Variants in WWOX observed in about 807,000 individuals in gnomAD.
The protein encoded by WWOX is WW domain containing oxidoreductase, also known as WW domain-containing oxidoreductase.
In WWOX, 69 loss-of-function variants were observed where a neutral mutation model predicts 46.2. The ratio of observed to expected loss-of-function variants is 1.49; its 90% CI spans 1.23 to 1.82. The LOEUF is 1.82. Ranked by LOEUF, WWOX falls within the 40% of genes most tolerant of loss-of-function variation. The pLI, the probability that WWOX is intolerant of heterozygous loss-of-function variation, is 0.00. For missense variants in WWOX, 919 were observed against 542.6 expected (o/e 1.69, Z -6.89); for synonymous variants, 359 against 202.6 (o/e 1.77, Z -6.56).
chr16:78,326,334 A>G (rs574577234), intron 5 of WWOX, among the ~76,000 whole-genome samples: 2 of 152,342 alleles, frequency 1.3e-5, no homozygotes, highest in East Asian at 3.9e-4. Context: ...AAGGCTGTAT[A>G]TGATATGCCA....
intron 6 of WWOX, among the ~76,000 whole-genome samples, chr16:78,413,154 T>A (rs1242762486): frequency 1.3e-5 from 2 of 152,180 alleles, no homozygotes; most frequent in Non-Finnish European, 2.9e-5. Context: ...CAGAGCCAGC[T>A]GTATGGGAAA....
At chr16:78,928,843 T>A (rs2045559205) in intron 8 of WWOX, among the ~76,000 whole-genome samples, 1 of 152,172 alleles carries the variant, frequency 6.6e-6, no homozygotes, top group Non-Finnish European at 1.5e-5. Flanking sequence ...AGCTTCTCTG[T>A]CAAGAGAATT....
chr16:78,897,459 C>G (rs80023798), intron 8 of WWOX: 4 of 152,058 alleles, frequency 2.6e-5, no homozygotes, highest in East Asian at 3.9e-4. Flanking sequence ...CTTAATGATT[C>G]ACATAATGTT....
rs552846537 is a variant in WWOX, at chr16:78,734,060, GA to G, written c.1056+301319del. Among the ~76,000 whole-genome samples the G allele has an allele frequency of 3.8e-3, 553 of 144,160 alleles. 1 individual carries two copies. The highest frequency in any genetic ancestry group is 0.014 in the South Asian group (65 of 4,568). The allele number at this position is 144,160 out of a possible 152,430, so 94.6% of individuals were successfully genotyped here. A position where few individuals can be genotyped will look rare whatever the true frequency, so the allele number is the denominator to read the frequency against. ...GGGTGATAAAGTAAGATCCTGTCTG[GA>G]AAAAAAAAAACACAAAAAACTAAAT... On this transcript the variant is annotated intron_variant, in intron 8 of 8. Coordinates refer to ENST00000566780, the MANE Select transcript of WWOX (RefSeq NM_016373.4).
At chr16:78,771,165 A>T (rs138445208) in intron 8 of WWOX, among the ~76,000 whole-genome samples, 1 of 152,258 alleles carries the variant, frequency 6.6e-6, no homozygotes, top group East Asian at 1.9e-4. Context: ...AGGGATGGAG[A>T]TCCATTTGGA....
intron 8 of WWOX, chr16:79,204,664 C>A (rs1013295091): frequency 6.6e-6 from 1 of 152,236 alleles, no homozygotes; most frequent in Non-Finnish European, 1.5e-5. Context: ...TGAGAGCGTA[C>A]CAAGGTCACC....
At chr16:78,171,635 C>G (rs1054359732) in intron 5 of WWOX, among the ~76,000 whole-genome samples, 2 of 152,088 alleles carry the variant, frequency 1.3e-5, no homozygotes, top group Admixed American at 6.6e-5. Flanking sequence ...AAGATAAAAG[C>G]TATTAATATT....
At chr16:78,602,364 C>G (rs1409372792) in intron 8 of WWOX, among the ~76,000 whole-genome samples, 1 of 152,140 alleles carries the variant, frequency 6.6e-6, no homozygotes, top group Non-Finnish European at 1.5e-5. Context: ...TCCTGAGTAG[C>G]TGGGACTAAA....
intron 8 of WWOX, chr16:78,826,014 T>A: frequency 1.8e-6 from 1 of 553,886 alleles, no homozygotes; most frequent in East Asian, 3.1e-5. Context: ...TAACGGGCTG[T>A]CCTTGGCAGT....
chr16:78,653,255 G>C (rs2047005473), intron 8 of WWOX, among the ~76,000 whole-genome samples: 1 of 151,936 alleles, frequency 6.6e-6, no homozygotes, highest in Non-Finnish European at 1.5e-5. Flanking sequence ...TGTATTTTAT[G>C]TAACCATTCC....
intron 5 of WWOX, among the ~76,000 whole-genome samples, chr16:78,210,808 A>C (rs1445169206): frequency 6.6e-6 from 1 of 152,184 alleles, no homozygotes; most frequent in African/African-American, 2.4e-5. Flanking sequence ...TAATTCTCCA[A>C]AGTAGCCTAT....
At chr16:78,796,666 A>T (rs2050745082) in intron 8 of WWOX, among the ~76,000 whole-genome samples, 1 of 152,202 alleles carries the variant, frequency 6.6e-6, no homozygotes, top group African/African-American at 2.4e-5. Flanking sequence ...TGTTAGAGAT[A>T]TATCTGTTTA....
At chr16:79,071,516 C>T (rs1366536913) in intron 8 of WWOX, among the ~76,000 whole-genome samples, 1 of 152,188 alleles carries the variant, frequency 6.6e-6, no homozygotes, top group Admixed American at 6.5e-5. Context: ...GTTTTTATTG[C>T]TTCAACTCTC....
Position 79,202,055 on chromosome 16 carries a change from CT to C in WWOX, c.1057-9544del, listed in dbSNP as rs76088445. Among the ~76,000 whole-genome samples, 6 of 151,716 alleles carry C rather than the reference CT, an allele frequency of 4.0e-5. No individual in the cohort carries two copies. The South Asian group carries it at 8.3e-4, about 21-fold the overall frequency. On this transcript the variant is annotated intron_variant, in intron 8 of 8. Coordinates refer to ENST00000566780, the MANE Select transcript of WWOX (RefSeq NM_016373.4). ...CTGCCGGCTAAATCTGGCCCAGTGC[CT>C]TTTTTTTTATAAATAAAGTTTTATT...
intron 8 of WWOX, among the ~76,000 whole-genome samples, chr16:78,678,373 G>A (rs200911404): frequency 2.0e-5 from 3 of 152,144 alleles, no homozygotes; most frequent in East Asian, 3.9e-4. Flanking sequence ...GAGACCTTCT[G>A]TCTAAAAATA....
chr16:78,792,931 C>T lies in WWOX; in HGVS notation c.1056+360179C>T, dbSNP rs557694339. On this transcript the variant is annotated intron_variant, in intron 8 of 8. Coordinates refer to ENST00000566780, the MANE Select transcript of WWOX (RefSeq NM_016373.4). ...ACAGAAGGAAAGACGCAGACCCAAACCTTGATAACCATGGCAATGCAATAG... is the reference window on the plus strand; with the variant it reads ...ACAGAAGGAAAGACGCAGACCCAAATCTTGATAACCATGGCAATGCAATAG... Among the ~76,000 whole-genome samples the T allele has an allele frequency of 2.4e-4, 36 of 152,292 alleles. No homozygotes were observed. In the East Asian group the frequency reaches 6.8e-3, roughly 29 times the overall value.
intron 4 of WWOX, among the ~76,000 whole-genome samples, chr16:78,143,156 A>G (rs1346718287): frequency 1.3e-5 from 2 of 152,362 alleles, no homozygotes; most frequent in Middle Eastern, 3.4e-3. Context: ...TTTGATGCAT[A>G]TTGAATACTT....
intron 8 of WWOX, among the ~76,000 whole-genome samples, chr16:78,995,186 C>G (rs374287171): frequency 6.6e-6 from 1 of 152,136 alleles, no homozygotes; most frequent in South Asian, 2.1e-4. Flanking sequence ...CCAAGCTCAG[C>G]TTCTCTCTGC....
chr16:78,917,921 G>T (rs947149910), intron 8 of WWOX, among the ~76,000 whole-genome samples: 12 of 152,164 alleles, frequency 7.9e-5, no homozygotes, highest in African/African-American at 2.9e-4. Context: ...TGTCATATAG[G>T]CTGGGCGTGG....
Sources: gnomAD v4.1 joint callset for allele counts (sites outside exome capture counted in the v4.1 genomes callset) on GRCh38, gnomAD v4.1.1 for gene constraint, MANE v1.5 for transcripts, NCBI Gene and HGNC (gene_info 2026-07-23, HGNC 2026-07-21) for gene names.